Variants in CELSR1 observed in about 807,000 individuals in gnomAD.
CELSR1 encodes adhesion G protein-coupled receptor C1.
A neutral mutation model predicts 249.1 loss-of-function variants in CELSR1; 110 were observed. The ratio of observed to expected loss-of-function variants is 0.44; its 90% confidence interval spans 0.38 to 0.52. The LOEUF (loss-of-function observed/expected upper bound fraction) is 0.52. CELSR1 is among the 20% of genes least tolerant of loss of function. The probability of loss-of-function intolerance (pLI) is 0.00; values close to 1 mark genes in which losing one functional copy is unlikely to be tolerated. For synonymous variants in CELSR1, 2,113 were observed against 1,900.0 expected, an observed-to-expected ratio of 1.11 and a Z score of -2.92; for missense variants, 4,109 against 4,296.4, an observed-to-expected ratio of 0.96 and a Z score of 1.22.
chr22:46,521,121 G>A (rs373190047), intron 1 of CELSR1, among the ~76,000 whole-genome samples: 1 of 152,142 alleles, frequency 6.6e-6, no homozygotes. Flanking sequence ...TTATCCATTC[G>A]TCTGTTCACA....
intron 2 of CELSR1, among the ~76,000 whole-genome samples, chr22:46,451,130 G>C (rs187106105): frequency 2.6e-5 from 4 of 152,220 alleles, no homozygotes; most frequent in African/African-American, 9.6e-5. Flanking sequence ...CGCATTGTTT[G>C]ACTTTCTCAC....
Position 46,411,666 on chromosome 22 carries a change from G to T in CELSR1, c.4705C>A (p.Arg1569Ser). 6.2e-7 allele frequency: 1 copy of T among 1,614,198 alleles called. No homozygotes were observed. The highest frequency in any genetic ancestry group is 8.5e-7 in the Non-Finnish European group (1 of 1,180,042). Residue 1569 changes from arginine (R) to serine (S), a missense_variant, in exon 6 of 35, where the codon CGC (arginine) becomes AGC (serine). By Grantham distance (110) the Arg-to-Ser change is moderately radical. Around this residue, in one of 7 missense-constraint regions of CELSR1, gnomAD observed 453 missense variants for 492.0 expected, o/e 0.92. Coordinates refer to ENST00000674500, the MANE Select transcript of CELSR1 (RefSeq NM_001378328.1). This position sits in a 1 kb window ranked among gnomAD's most constrained non-coding sequence, Gnocchi z 4.2. The stretch of plus-strand genomic sequence containing the variant: ...TAGTTCCCGATGTCCTTTCCAAAGC[G>T]CACAGCCATGGTTGTGTCACAATCA... ...VDDCDTTMAV[R>S]FGKDIGNYSC...
intron 1 of CELSR1, among the ~76,000 whole-genome samples, chr22:46,497,305 C>A (rs543164162): frequency 6.6e-6 from 1 of 152,340 alleles, no homozygotes; most frequent in East Asian, 1.9e-4. Flanking sequence ...CTGTGAATAA[C>A]AGCAATGTTA....
chr22:46,414,984 G>A (rs548987889), intron 5 of CELSR1, among the ~76,000 whole-genome samples: 14 of 152,174 alleles, frequency 9.2e-5, no homozygotes, highest in Admixed American at 3.9e-4. Flanking sequence ...CGGGGGTCCC[G>A]GAACACATCG....
At chr22:46,385,397 C>A (rs1436129293) in intron 19 of CELSR1, among the ~76,000 whole-genome samples, 1 of 152,210 alleles carries the variant, frequency 6.6e-6, no homozygotes, top group African/African-American at 2.4e-5. Context: ...GCCCAGCTGA[C>A]TGACCATCTT....
intron 26 of CELSR1, 75 bp downstream of exon 26, chr22:46,369,617 C>CA: frequency 7.1e-7 from 1 of 1,415,572 alleles, no homozygotes; most frequent in East Asian, 2.3e-5. Context: ...TTGGTGGCCC[C>CA]AGCCAACCCA....
At position 46,362,494 on chromosome 22, in the gene CELSR1, C is replaced by A. The variant is rs765480656; in HGVS notation, c.*729G>T. On this transcript the variant is annotated 3_prime_UTR_variant, in exon 35 of 35. Transcript: ENST00000674500. ...CGAAGGCAGCTGTAGGGCTTCTAGC[C>A]GCTTGGTTTTAGCCCCACTGCTGAC... 6.6e-6 allele frequency: 1 copy of A among 152,548 alleles called. No individual in the cohort carries two copies. The highest frequency in any genetic ancestry group is 1.5e-5 in the Non-Finnish European group (1 of 68,096). 9.4% of individuals were successfully genotyped at this position (152,548 alleles called of 1,614,324 possible).
chr22:46,529,784 TA>T (rs2080774046), intron 1 of CELSR1, among the ~76,000 whole-genome samples: 6 of 149,678 alleles, frequency 4.0e-5, no homozygotes, highest in Non-Finnish European at 1.5e-5. Flanking sequence ...GGCTGGGAGA[TA>T]CAGTGAGACT....
intron 1 of CELSR1, among the ~76,000 whole-genome samples, chr22:46,504,614 C>T (rs1369781328): frequency 6.6e-6 from 1 of 151,830 alleles, no homozygotes; most frequent in African/African-American, 2.4e-5. Flanking sequence ...TTATTTTTAC[C>T]TACAGGATTA....
intron 19 of CELSR1, 152 bp from the exon 20 acceptor site, chr22:46,384,838 G>A (rs1292952959): frequency 2.5e-6 from 2 of 810,908 alleles, no homozygotes; most frequent in Admixed American, 7.0e-5. Context: ...CTCCCAGGCT[G>A]GAGTGCAGTA....
Position 46,526,793 on chromosome 22 carries a change from A to T in CELSR1, c.3544+6834T>A, listed in dbSNP as rs2080743007. On this transcript the variant is annotated intron_variant, in intron 1 of 34. Transcript: ENST00000674500. This position sits in a 1 kb window ranked among gnomAD's most constrained non-coding sequence, Gnocchi z 4.7. ...TCCCCTCCTAACTGCCAGCACCCTCACTTCTGTGTCCATAACCTGAGCTGG... is the reference window on the plus strand; with the variant it reads ...TCCCCTCCTAACTGCCAGCACCCTCTCTTCTGTGTCCATAACCTGAGCTGG... Among the ~76,000 whole-genome samples the T allele has an allele frequency of 6.6e-6, 1 of 151,974 alleles. No individual in the cohort carries two copies.
Position 46,417,322 on chromosome 22 carries a change from C to T in CELSR1, c.4612-5563G>A, listed in dbSNP as rs959607407. 6.6e-6 allele frequency among the ~76,000 whole-genome samples: 1 copy of T among 152,186 alleles called. No individual in the cohort carries two copies. The highest frequency in any genetic ancestry group is 2.4e-5 in the African/African-American group (1 of 41,442). On this transcript the variant is annotated intron_variant, in intron 5 of 34. Coordinates refer to ENST00000674500, the MANE Select transcript of CELSR1 (RefSeq NM_001378328.1). The surrounding 1 kb of genome is among the most constrained non-coding windows in gnomAD (Gnocchi z 4.1). Reference sequence around the variant, plus strand: ...AGCAAATTCACGCAGATGCACGCAGCCTTCCAGAATTCAAACTGGCCTCCC... The same window carrying T: ...AGCAAATTCACGCAGATGCACGCAGTCTTCCAGAATTCAAACTGGCCTCCC...
intron 1 of CELSR1, among the ~76,000 whole-genome samples, chr22:46,499,826 T>C (rs2080449204): frequency 6.6e-6 from 1 of 151,936 alleles, no homozygotes; most frequent in Non-Finnish European, 1.5e-5. Flanking sequence ...GGGATGGCCC[T>C]CTTCTGGATC....
rs1272716730 is a variant in CELSR1 at position 46,536,357 on chromosome 22, T to C, written c.814A>G (p.Thr272Ala). 6 of 1,612,416 alleles carry C rather than the reference T, an allele frequency of 3.7e-6. No homozygotes were observed. The South Asian group carries it at 5.5e-5, about 15-fold the overall frequency. The change falls in exon 1 of 35, where the codon ACC becomes GCC. Residue 272 changes from threonine to alanine, a missense_variant. By Grantham distance (58) the Thr-to-Ala change is moderately conservative. Transcript: ENST00000674500. ...TLILQLHAHY[T>A]IEGEEERVSY... ...ACGCGCTCCTCCTCGCCCTCGATGG[T>C]GTAGTGCGCGTGCAGCTGGAGGATG...
rs908494637 is a variant in CELSR1 at position 46,512,651 on chromosome 22, C to T, written c.3544+20976G>A. On this transcript the variant is annotated intron_variant, in intron 1 of 34. Coordinates refer to ENST00000674500, the MANE Select transcript of CELSR1 (RefSeq NM_001378328.1). The surrounding 1 kb of genome is among the most constrained non-coding windows in gnomAD (Gnocchi z 5.2). ...AGCCAGGAGGCCTCAAATGGCCTCA[C>T]CACAGGTCCCCCGCCCCACTCTGCT... is the stretch of plus-strand genomic sequence containing the variant. 6.6e-6 allele frequency among the ~76,000 whole-genome samples: 1 copy of T among 152,186 alleles called. No individual in the cohort carries two copies.
At position 46,536,062 on chromosome 22, in the gene CELSR1, T is replaced by C; in HGVS notation, c.1109A>G (p.Tyr370Cys). Reference sequence around the variant, plus strand: ...GCTGGCGCGGATGGTCAGCACCTCGTAGCCCACCTCCAGGTTCTCCCGCAC... The same window carrying C: ...GCTGGCGCGGATGGTCAGCACCTCGCAGCCCACCTCCAGGTTCTCCCGCAC... ...ERVRENLEVG[Y>C]EVLTIRASDR... Residue 370 changes from tyrosine to cysteine, a missense_variant, in exon 1 of 35, where the codon TAC becomes TGC. Coordinates refer to ENST00000674500, the MANE Select transcript of CELSR1 (RefSeq NM_001378328.1). 2.5e-6 allele frequency: 4 copies of C among 1,611,126 alleles called. No individual in the cohort carries two copies. The highest frequency in any genetic ancestry group is 1.1e-5 in the South Asian group (1 of 91,072).
Position 46,487,221 on chromosome 22 carries a change from T to C in CELSR1, c.3545-22876A>G, listed in dbSNP as rs912902219. ...TTACAAGTAACAAATTGGATTTCCC[T>C]CTTAGAGTACCCCAAGGGTCCTGAA... On this transcript the variant is annotated intron_variant, in intron 1 of 34. Coordinates refer to ENST00000674500, the MANE Select transcript of CELSR1 (RefSeq NM_001378328.1). 2.0e-5 allele frequency among the ~76,000 whole-genome samples: 3 copies of C among 152,240 alleles called. No homozygotes were observed. The East Asian group carries it at 5.8e-4, about 30-fold the overall frequency.
At position 46,369,250 on chromosome 22, in the gene CELSR1, T is replaced by C. The variant is rs141967391; in HGVS notation, c.7881A>G (p.Thr2627=). The part of the protein sequence containing the change: ...GPIGAVIIIN[T]VTSVLSAKVS... The stretch of plus-strand genomic sequence containing the variant: ...CCTTTGCAGATAGGACAGAAGTGAC[T>C]GTGTTGATCTGAAAACAAAACAAGC... Residue 2627 remains threonine (T), a synonymous_variant, in exon 27 of 35, where the codon ACA becomes ACG. Transcript: ENST00000674500. The C allele has an allele frequency of 3.0e-5, 48 of 1,613,470 alleles. No individual in the cohort carries two copies. The African/African-American group carries it at 5.3e-4, about 18-fold the overall frequency.
At chr22:46,525,166 C>T (rs1001472158) in intron 1 of CELSR1, among the ~76,000 whole-genome samples, 3 of 152,166 alleles carry the variant, frequency 2.0e-5, no homozygotes, top group African/African-American at 7.2e-5. Context: ...GGGTCGTTTA[C>T]GGCTGGGCGT....
Sources: allele counts gnomAD v4.1 joint callset (sites outside exome capture counted in the v4.1 genomes callset), GRCh38; gene constraint gnomAD v4.1.1; regional missense constraint gnomAD v4.1.1; non-coding constraint Gnocchi (gnomAD v3.1); transcripts MANE v1.5; gene names NCBI Gene and HGNC (gene_info 2026-07-23, HGNC 2026-07-21).